The following IQCJ variants were observed in gnomAD, a reference collection of about 807,000 sequenced individuals.
IQCJ encodes IQ domain-containing protein J.
A neutral mutation model predicts 11.0 loss-of-function variants in IQCJ; 9 were observed. The ratio of observed to expected loss-of-function variants is 0.82; its 90% CI spans 0.49 to 1.43. IQCJ has a LOEUF of 1.43. Ranked by LOEUF, IQCJ falls within the 40% of genes most tolerant of loss-of-function variation. The pLI, the probability that IQCJ is intolerant of heterozygous loss-of-function variation, is 0.00. For missense variants in IQCJ, 146 were observed against 133.2 expected (o/e 1.10, Z -0.47); for synonymous variants, 55 against 51.3 (o/e 1.07, Z -0.31).
rs1019133715 is a variant in IQCJ, at chr3:159,085,074, C to G, written c.9+15633C>G. ...CAATGCTATCCCTCCCCTCTCCCCC[C>G]ACCCCACAACAGTCCCCAGAGTGTG... On this transcript the variant is annotated intron_variant, in intron 1 of 3. Coordinates refer to ENST00000397832, the MANE Select transcript of IQCJ (RefSeq NM_001042706.3). Among the ~76,000 whole-genome samples the G allele has an allele frequency of 1.1e-4, 17 of 152,048 alleles. No individual in the cohort carries two copies. The South Asian group carries it at 1.7e-3, about 15-fold the overall frequency.
intron 1 of IQCJ, among the ~76,000 whole-genome samples, chr3:159,215,264 G>GC (rs1264949812): frequency 2.6e-5 from 4 of 152,126 alleles, no homozygotes; most frequent in Non-Finnish European, 4.4e-5. Context: ...AGCAAGTCCT[G>GC]TTTTTCAGAT....
chr3:159,245,303 G>T (rs761001623), intron 1 of IQCJ, among the ~76,000 whole-genome samples: 1 of 150,990 alleles, frequency 6.6e-6, no homozygotes, highest in Non-Finnish European at 1.5e-5. Context: ...GTGGATCTAT[G>T]TAAACATATC....
intron 1 of IQCJ, among the ~76,000 whole-genome samples, chr3:159,202,002 G>A (rs1353622023): frequency 1.3e-5 from 2 of 152,108 alleles, no homozygotes; most frequent in Admixed American, 6.5e-5. Context: ...AGACATGGGT[G>A]GGTTCTATGC....
intron 3 of IQCJ, 57 bp from the exon 4 acceptor site, chr3:159,262,491 C>T (rs1728266889): frequency 1.9e-6 from 3 of 1,576,616 alleles, no homozygotes; most frequent in Non-Finnish European, 2.6e-6. Context: ...AGTCTGTGGA[C>T]CATGATCCAA....
intron 1 of IQCJ, among the ~76,000 whole-genome samples, chr3:159,073,338 C>T (rs958957046): frequency 1.3e-5 from 2 of 152,060 alleles, no homozygotes; most frequent in Admixed American, 6.6e-5. Context: ...GAGCAGTGTA[C>T]CTCCCTGGCT....
intron 1 of IQCJ, among the ~76,000 whole-genome samples, chr3:159,221,450 A>G (rs981654570): frequency 6.3e-4 from 96 of 152,242 alleles, no homozygotes; most frequent in African/African-American, 2.2e-3. Flanking sequence ...CAGTCCTAGA[A>G]TTCTGAAGGG....
At chr3:159,197,301 C>G (rs924354049) in intron 1 of IQCJ, among the ~76,000 whole-genome samples, 3 of 152,274 alleles carry the variant, frequency 2.0e-5, no homozygotes, top group East Asian at 1.9e-4. Flanking sequence ...ATTGATTCTG[C>G]TTCTTCAAAA....
intron 1 of IQCJ, among the ~76,000 whole-genome samples, chr3:159,180,778 C>T (rs1292539561): frequency 6.6e-6 from 1 of 151,904 alleles, no homozygotes; most frequent in Non-Finnish European, 1.5e-5. Flanking sequence ...ATAAAAACAA[C>T]CCATAACTCT....
intron 1 of IQCJ, among the ~76,000 whole-genome samples, chr3:159,105,597 A>C (rs572230221): frequency 6.6e-6 from 1 of 152,246 alleles, no homozygotes; most frequent in South Asian, 2.1e-4. Flanking sequence ...GTGGATATTT[A>C]GACTGTTTGG....
At chr3:159,071,440 G>A (rs961499035) in intron 1 of IQCJ, among the ~76,000 whole-genome samples, 1 of 151,790 alleles carries the variant, frequency 6.6e-6, no homozygotes, top group Non-Finnish European at 1.5e-5. Context: ...CTTAATGAAG[G>A]TTTTAAATTG....
chr3:159,205,536 C>A (rs908203507), intron 1 of IQCJ, among the ~76,000 whole-genome samples: 2 of 152,196 alleles, frequency 1.3e-5, no homozygotes, highest in African/African-American at 2.4e-5. Context: ...GAGCCCCAAC[C>A]TAAATTACAC....
Position 159,263,322 on chromosome 3 carries a change from G to T in IQCJ, c.*591G>T. 2.0e-6 allele frequency: 1 copy of T among 494,420 alleles called. No individual in the cohort carries two copies. The highest frequency in any genetic ancestry group is 2.1e-5 in the African/African-American group (1 of 47,740). 30.6% of individuals were successfully genotyped at this position (494,420 alleles called of 1,614,324 possible). A position where few individuals can be genotyped will look rare whatever the true frequency, so the allele number is the denominator to read the frequency against. On this transcript the variant is annotated 3_prime_UTR_variant, in exon 4 of 4. Coordinates refer to ENST00000397832, the MANE Select transcript of IQCJ (RefSeq NM_001042706.3). The stretch of plus-strand genomic sequence containing the variant: ...AAATCTGCATTTTTAAGTGTTAGCA[G>T]CCAGTAAGAAAATTTAAAAGGTAAA...
At chr3:159,157,409 T>C (rs1419587500) in intron 1 of IQCJ, among the ~76,000 whole-genome samples, 1 of 152,224 alleles carries the variant, frequency 6.6e-6, no homozygotes, top group Non-Finnish European at 1.5e-5. Flanking sequence ...TGATTGTCTT[T>C]ATCTTCTTAA....
intron 2 of IQCJ, among the ~76,000 whole-genome samples, chr3:159,252,007 T>G (rs1043780604): frequency 2.0e-5 from 3 of 152,242 alleles, no homozygotes; most frequent in Non-Finnish European, 2.9e-5. Flanking sequence ...TCCTATTTTT[T>G]TCATCCACTT....
intron 1 of IQCJ, among the ~76,000 whole-genome samples, chr3:159,160,639 G>A (rs545280486): frequency 2.6e-5 from 4 of 151,104 alleles, no homozygotes; most frequent in Admixed American, 2.0e-4. Context: ...CCATTAACTC[G>A]TCATTTAGCA....
At chr3:159,082,198 A>G (rs996735991) in intron 1 of IQCJ, among the ~76,000 whole-genome samples, 1 of 152,212 alleles carries the variant, frequency 6.6e-6, no homozygotes, top group Admixed American at 6.6e-5. Context: ...TAGAAAAAGT[A>G]TCTATAATAA....
At chr3:159,239,563 G>A (rs1726788067) in intron 1 of IQCJ, among the ~76,000 whole-genome samples, 1 of 152,172 alleles carries the variant, frequency 6.6e-6, no homozygotes, top group Admixed American at 6.5e-5. Flanking sequence ...GATGCAGGGG[G>A]AAGAAAAAAT....
intron 1 of IQCJ, among the ~76,000 whole-genome samples, chr3:159,074,708 C>T (rs1160417800): frequency 6.6e-6 from 1 of 152,078 alleles, no homozygotes; most frequent in Non-Finnish European, 1.5e-5. Context: ...ACAATTCTAA[C>T]AAAATTTAGG....
At chr3:159,197,449 G>A (rs1318152557) in intron 1 of IQCJ, among the ~76,000 whole-genome samples, 1 of 152,050 alleles carries the variant, frequency 6.6e-6, no homozygotes, top group Non-Finnish European at 1.5e-5. Context: ...GTTAAAGCTG[G>A]CTGAAACACA....
Sources: gnomAD v4.1 joint callset for allele counts (sites outside exome capture counted in the v4.1 genomes callset) on GRCh38, gnomAD v4.1.1 for gene constraint, MANE v1.5 for transcripts, NCBI Gene and HGNC (gene_info 2026-07-23, HGNC 2026-07-21) for gene names.